The following RGS6 variants were observed in gnomAD, a reference collection of about 807,000 sequenced individuals.
RGS6 encodes the protein regulator of G-protein signaling 6.
In RGS6, 30 loss-of-function variants were observed where a neutral mutation model predicts 78.5. The ratio of observed to expected loss-of-function variants is 0.38; its 90% CI spans 0.29 to 0.52. The LOEUF is 0.52. RGS6 is among the 20% of genes least tolerant of loss of function. The pLI is 0.85. For synonymous variants in RGS6, 206 were observed against 206.0 expected, an observed-to-expected ratio of 1.00 and a Z score of 0.00; for missense variants, 495 against 609.7, an observed-to-expected ratio of 0.81 and a Z score of 1.98.
rs897588753 is a variant in RGS6, at chr14:72,565,298, G to C, written c.*2831G>C. The C allele has an allele frequency of 6.6e-6, 1 of 152,324 alleles. No homozygotes were observed. The highest frequency in any genetic ancestry group is 1.5e-5 in the Non-Finnish European group (1 of 68,130). 9.4% of individuals were successfully genotyped at this position (152,324 alleles called of 1,614,324 possible). A position where few individuals can be genotyped will look rare whatever the true frequency, so the allele number is the denominator to read the frequency against. On this transcript the variant is annotated 3_prime_UTR_variant, in exon 18 of 18. Coordinates refer to ENST00000553525, the MANE Select transcript of RGS6 (RefSeq NM_001204424.2). ...AGCTGCAGCAAGTGACCACCCACCC[G>C]TCGGGTTAGACACACAAGGCACCAG...
intron 2 of RGS6, among the ~76,000 whole-genome samples, chr14:72,233,127 G>T (rs117182435): frequency 6.6e-6 from 1 of 152,186 alleles, no homozygotes; most frequent in Non-Finnish European, 1.5e-5. Context: ...GAAGGTCCTT[G>T]TTCATCCTAG....
At chr14:72,232,987 G>A (rs537870302) in intron 2 of RGS6, among the ~76,000 whole-genome samples, 1 of 152,296 alleles carries the variant, frequency 6.6e-6, no homozygotes, top group South Asian at 2.1e-4. Context: ...GAGGGGATGT[G>A]AGGAATGACC....
intron 1 of RGS6, among the ~76,000 whole-genome samples, chr14:71,942,777 A>G (rs922103038): frequency 6.6e-6 from 1 of 152,190 alleles, no homozygotes; most frequent in Non-Finnish European, 1.5e-5. Context: ...CTTAGGTGTT[A>G]GTAACATAGG....
At chr14:72,208,844 G>A (rs79545812) in intron 2 of RGS6, among the ~76,000 whole-genome samples, 4,333 of 152,254 alleles carry the variant, frequency 0.028, 128 homozygotes, top group African/African-American at 0.072. Flanking sequence ...TAATCAGAAA[G>A]CATAATTGCT....
At position 72,182,989 on chromosome 14, in the gene RGS6, C is replaced by T. The variant is rs2097194332; in HGVS notation, c.85-169106C>T. Among the ~76,000 whole-genome samples the T allele has an allele frequency of 4.6e-5, 7 of 152,136 alleles. No homozygotes were observed. In the South Asian group the frequency reaches 1.5e-3, roughly 32 times the overall value. On this transcript the variant is annotated intron_variant, in intron 2 of 17. Coordinates refer to ENST00000553525, the MANE Select transcript of RGS6 (RefSeq NM_001204424.2). The stretch of plus-strand genomic sequence containing the variant: ...TTCCATGACCCACCCCGGGCTAGCA[C>T]CTCCTTCAGCCACATGGTAAGGTCC...
chr14:72,417,695 A>G (rs1353905405), intron 3 of RGS6, among the ~76,000 whole-genome samples: 1 of 152,194 alleles, frequency 6.6e-6, no homozygotes. Flanking sequence ...TCACCTACAA[A>G]ATATGCATAA....
intron 2 of RGS6, among the ~76,000 whole-genome samples, chr14:72,119,464 G>A (rs1173696718): frequency 6.6e-6 from 1 of 152,156 alleles, no homozygotes. Flanking sequence ...GCATTTGAAA[G>A]GTCAATGATG....
At chr14:72,041,914 G>A (rs545009830) in intron 2 of RGS6, among the ~76,000 whole-genome samples, 51 of 151,978 alleles carry the variant, frequency 3.4e-4, no homozygotes, top group Middle Eastern at 3.4e-3. Context: ...TTGTATTGGG[G>A]GGTCAGTAGA....
At chr14:72,161,723 G>A (rs1004390913) in intron 2 of RGS6, among the ~76,000 whole-genome samples, 3 of 152,202 alleles carry the variant, frequency 2.0e-5, no homozygotes, top group African/African-American at 7.2e-5. Context: ...ACAGGAGTGT[G>A]GAGTAACAAT....
chr14:72,322,715 T>C (rs1432077149), intron 2 of RGS6, among the ~76,000 whole-genome samples: 15 of 152,108 alleles, frequency 9.9e-5, no homozygotes, highest in Non-Finnish European at 8.8e-5. Context: ...GGATTTAGTC[T>C]TAAAAAAGTA....
At chr14:72,229,920 C>A (rs1400845519) in intron 2 of RGS6, among the ~76,000 whole-genome samples, 2 of 152,174 alleles carry the variant, frequency 1.3e-5, no homozygotes, top group South Asian at 2.1e-4. Context: ...ACCATCACTG[C>A]AAAACCCTAC....
rs113914982 is a variant in RGS6 at position 72,256,381 on chromosome 14, A to T, written c.85-95714A>T. Among the ~76,000 whole-genome samples, 319 of 152,208 alleles carry T rather than the reference A, an allele frequency of 2.1e-3. 1 individual carries two copies. The highest frequency in any genetic ancestry group is 6.9e-3 in the African/African-American group (286 of 41,506). ...CAAAAGTCTGAAAAATATCTCAAAG[A>T]CCAATCTTAGGTTTTACAATAGTGA... On this transcript the variant is annotated intron_variant, in intron 2 of 17. Coordinates refer to ENST00000553525, the MANE Select transcript of RGS6 (RefSeq NM_001204424.2).
chr14:72,076,624 G>T (rs1458630871), intron 2 of RGS6, among the ~76,000 whole-genome samples: 2 of 152,054 alleles, frequency 1.3e-5, no homozygotes, highest in Non-Finnish European at 1.5e-5. Context: ...TACCTCCTGG[G>T]CTCAAGCAAT....
intron 12 of RGS6, among the ~76,000 whole-genome samples, chr14:72,484,525 G>A (rs191617704): frequency 6.6e-6 from 1 of 152,080 alleles, no homozygotes; most frequent in East Asian, 1.9e-4. Context: ...ATAGTTTTGT[G>A]TGGTTTTTTT....
intron 2 of RGS6, among the ~76,000 whole-genome samples, chr14:72,302,325 G>A (rs74685097): frequency 0.014 from 2,193 of 152,276 alleles, 43 homozygotes; most frequent in African/African-American, 0.049. Flanking sequence ...GCCAAGATTC[G>A]AACCCAAGAA....
At chr14:72,309,405 T>A (rs1021676123) in intron 2 of RGS6, among the ~76,000 whole-genome samples, 1 of 152,222 alleles carries the variant, frequency 6.6e-6, no homozygotes, top group Non-Finnish European at 1.5e-5. Context: ...CTCTTAAATG[T>A]CCATTTAATG....
intron 3 of RGS6, among the ~76,000 whole-genome samples, chr14:72,398,468 G>T (rs1033353043): frequency 1.3e-5 from 2 of 151,946 alleles, no homozygotes; most frequent in African/African-American, 2.4e-5. Context: ...CTTGCTAGTG[G>T]TCTATCAATT....
At chr14:72,544,888 CG>C (rs1293021758) in intron 17 of RGS6, among the ~76,000 whole-genome samples, 2 of 152,312 alleles carry the variant, frequency 1.3e-5, no homozygotes, top group East Asian at 3.9e-4. Flanking sequence ...AGGTGCTGAC[CG>C]GAAGTGGAGG....
intron 2 of RGS6, among the ~76,000 whole-genome samples, chr14:72,350,874 G>A (rs1052098018): frequency 2.0e-5 from 3 of 152,112 alleles, no homozygotes; most frequent in African/African-American, 7.2e-5. Flanking sequence ...GATAATGTGT[G>A]TATAATACTT....
Sources: allele counts gnomAD v4.1 joint callset (sites outside exome capture counted in the v4.1 genomes callset), GRCh38; gene constraint gnomAD v4.1.1; transcripts MANE v1.5; gene names NCBI Gene and HGNC (gene_info 2026-07-23, HGNC 2026-07-21).